The following RRP15 variants were observed in gnomAD, a reference collection of about 807,000 sequenced individuals.
RRP15 encodes RRP15-like protein.
Under a neutral mutation model 27.1 loss-of-function variants are expected in RRP15, and 18 were observed. That is an observed-to-expected ratio of 0.66 (90% CI 0.46 to 0.98). RRP15 has a LOEUF of 0.98. Among genes scored for constraint, RRP15 ranks in the 50% least tolerant of loss-of-function variants. The probability of loss-of-function intolerance (pLI) is 0.00; values close to 1 mark genes in which losing one functional copy is unlikely to be tolerated. For missense variants in RRP15, 359 were observed against 337.8 expected, an observed-to-expected ratio of 1.06 and a Z score of -0.49; for synonymous variants, 107 against 109.4, an observed-to-expected ratio of 0.98 and a Z score of 0.14.
chr1:218,285,400 T>C lies in RRP15; in HGVS notation c.84T>C (p.Thr28=), dbSNP rs1346856960. The part of the protein sequence containing the change: ...KTPKKKMKMV[T]GAVASVLEDE... Reference sequence around the variant, plus strand: ...CAAAGAAGAAGATGAAAATGGTAACTGGAGCCGTAGCGTCGGTGCTGGAAG... The same window carrying C: ...CAAAGAAGAAGATGAAAATGGTAACCGGAGCCGTAGCGTCGGTGCTGGAAG... The change falls in exon 1 of 5, where the codon ACT becomes ACC. Residue 28 remains threonine (T), a synonymous_variant. Coordinates refer to ENST00000366932, the MANE Select transcript of RRP15 (RefSeq NM_016052.4). 20 of 1,614,002 alleles carry C rather than the reference T, an allele frequency of 1.2e-5. No homozygotes were observed. Among genetic ancestry groups the C allele is most frequent in the Non-Finnish European group, 1.4e-5 (16 of 1,180,014 alleles).
At chr1:218,307,280 G>A (rs886110554) in intron 3 of RRP15, 151 bp from the exon 4 acceptor site, 1 of 585,956 alleles carries the variant, frequency 1.7e-6, no homozygotes, top group Non-Finnish European at 2.9e-6. Flanking sequence ...TTTATCAAAT[G>A]TATTTAACCA....
intron 4 of RRP15, among the ~76,000 whole-genome samples, chr1:218,312,112 G>A (rs1465501470): frequency 6.6e-6 from 1 of 152,172 alleles, no homozygotes; most frequent in East Asian, 1.9e-4. Context: ...GCCAGATATG[G>A]GCATCGGGCC....
chr1:218,316,740 A>T (rs1037118422), intron 4 of RRP15, among the ~76,000 whole-genome samples: 4 of 152,256 alleles, frequency 2.6e-5, no homozygotes, highest in African/African-American at 9.6e-5. Flanking sequence ...TTTCCATTGC[A>T]TGCCATCAAA....
chr1:218,289,373 T>C (rs1031776369), intron 1 of RRP15, among the ~76,000 whole-genome samples: 2 of 152,212 alleles, frequency 1.3e-5, no homozygotes, highest in African/African-American at 2.4e-5. Flanking sequence ...GTTACCTCCA[T>C]AGGTGCAAGA....
intron 4 of RRP15, among the ~76,000 whole-genome samples, chr1:218,324,154 G>A (rs1656233795): frequency 6.6e-6 from 1 of 152,146 alleles, no homozygotes; most frequent in African/African-American, 2.4e-5. Flanking sequence ...GCTGGCGGGT[G>A]ACTTAGTCTG....
chr1:218,327,513 A>G (rs1656292664), intron 4 of RRP15, among the ~76,000 whole-genome samples: 1 of 152,066 alleles, frequency 6.6e-6, no homozygotes, highest in South Asian at 2.1e-4. Context: ...CATGTTGGCC[A>G]GGCTGGTCTG....
intron 1 of RRP15, among the ~76,000 whole-genome samples, chr1:218,293,565 A>C (rs1366385016): frequency 6.6e-6 from 1 of 152,222 alleles, no homozygotes; most frequent in East Asian, 1.9e-4. Flanking sequence ...GATTATAAAA[A>C]TTGATAGGGA....
At chr1:218,321,537 A>G (rs1656187656) in intron 4 of RRP15, among the ~76,000 whole-genome samples, 1 of 152,224 alleles carries the variant, frequency 6.6e-6, no homozygotes, top group African/African-American at 2.4e-5. Flanking sequence ...ACTTTATCTT[A>G]TAGCTATAAC....
chr1:218,300,418 T>C (rs1348308226), intron 1 of RRP15, among the ~76,000 whole-genome samples: 1 of 152,198 alleles, frequency 6.6e-6, no homozygotes, highest in Non-Finnish European at 1.5e-5. Flanking sequence ...CGTATTAATG[T>C]TTTACATCAT....
Position 218,326,743 on chromosome 1 carries a change from A to G in RRP15, c.706-4205A>G, listed in dbSNP as rs115932582. 5.5e-3 allele frequency among the ~76,000 whole-genome samples: 839 copies of G among 152,262 alleles called. 7 individuals are homozygous for G. Among genetic ancestry groups the G allele is most frequent in the African/African-American group, 0.018 (765 of 41,540 alleles). ...ATATCTGGTTGCTGTGTGTGTGTGTAACTTAATCCCATTTTTGGTTCTATA... is the reference window on the plus strand; with the variant it reads ...ATATCTGGTTGCTGTGTGTGTGTGTGACTTAATCCCATTTTTGGTTCTATA... On this transcript the variant is annotated intron_variant, in intron 4 of 4. Transcript: ENST00000366932.
In RRP15 at chr1:218,336,991, A is replaced by C. The variant is rs2102521871; in HGVS notation, c.*5900A>C. On this transcript the variant is annotated 3_prime_UTR_variant, in exon 5 of 5. Coordinates refer to ENST00000366932, the MANE Select transcript of RRP15 (RefSeq NM_016052.4). ...AGAGACAGCATAATTTTGGAATCAC[A>C]ACTGAGTTCAGAGTTCAGTTTTGAG... 6.6e-6 allele frequency: 1 copy of C among 152,338 alleles called. No individual in the cohort carries two copies. Among genetic ancestry groups the C allele is most frequent in the South Asian group, 2.1e-4 (1 of 4,826 alleles). 9.4% of individuals were successfully genotyped at this position (152,338 alleles called of 1,614,324 possible). A position where few individuals can be genotyped will look rare whatever the true frequency, so the allele number is the denominator to read the frequency against.
chr1:218,312,901 T>C (rs1223799395), intron 4 of RRP15, among the ~76,000 whole-genome samples: 1 of 152,212 alleles, frequency 6.6e-6, no homozygotes, highest in Non-Finnish European at 1.5e-5. Context: ...GTAGGATGTT[T>C]GCTAATGAGT....
In RRP15 at chr1:218,285,463, G is replaced by A; in HGVS notation, c.139+8G>A. The A allele has an allele frequency of 6.2e-7, 1 of 1,614,028 alleles. No individual in the cohort carries two copies. ...ACACTTCTGATAGTGAAGGTAATGT[G>A]GTAGGGCTGAGCTTTGGTGTCTGGG... On this transcript the variant is annotated splice_region_variant and intron_variant, in intron 1 of 4. Coordinates refer to ENST00000366932, the MANE Select transcript of RRP15 (RefSeq NM_016052.4).
intron 4 of RRP15, among the ~76,000 whole-genome samples, chr1:218,327,096 T>C (rs377101467): frequency 6.6e-6 from 1 of 152,218 alleles, no homozygotes; most frequent in Non-Finnish European, 1.5e-5. Context: ...TGTGTTGATA[T>C]TGTCTTTTCT....
At chr1:218,330,828 C>T in intron 4 of RRP15, 120 bp from the exon 5 acceptor site, 2 of 697,792 alleles carry the variant, frequency 2.9e-6, no homozygotes, top group South Asian at 2.1e-5. Flanking sequence ...TATAATTTCT[C>T]TTGGTTTTAC....
chr1:218,328,535 T>C (rs560568005), intron 4 of RRP15, among the ~76,000 whole-genome samples: 9 of 151,936 alleles, frequency 5.9e-5, no homozygotes, highest in African/African-American at 9.7e-5. Context: ...TGGTGGCAGG[T>C]GCCTATAGTC....
chr1:218,323,198 C>T (rs1656215861), intron 4 of RRP15, among the ~76,000 whole-genome samples: 1 of 152,210 alleles, frequency 6.6e-6, no homozygotes, highest in Non-Finnish European at 1.5e-5. Flanking sequence ...TCACCTGCAA[C>T]GTGGTGAGCA....
Position 218,336,489 on chromosome 1 carries a change from A to G in RRP15, c.*5398A>G, listed in dbSNP as rs569375175. On this transcript the variant is annotated 3_prime_UTR_variant, in exon 5 of 5. Coordinates refer to ENST00000366932, the MANE Select transcript of RRP15 (RefSeq NM_016052.4). ...AGAGACAGCTGAGAGCTGTGTCCCT[A>G]TGCGTGGGTGGCCTTGCAGCTGTTG... 2.6e-5 allele frequency: 4 copies of G among 152,724 alleles called. No individual in the cohort carries two copies. Among genetic ancestry groups the G allele is most frequent in the Admixed American group, 6.5e-5 (1 of 15,288 alleles). 9.5% of individuals were successfully genotyped at this position (152,724 alleles called of 1,614,324 possible).
chr1:218,293,850 C>G (rs1655680618), intron 1 of RRP15, among the ~76,000 whole-genome samples: 1 of 151,990 alleles, frequency 6.6e-6, no homozygotes, highest in Non-Finnish European at 1.5e-5. Flanking sequence ...TGACATAGAG[C>G]CTGATTCATG....
Sources: allele counts gnomAD v4.1 joint callset (sites outside exome capture counted in the v4.1 genomes callset), GRCh38; gene constraint gnomAD v4.1.1; transcripts MANE v1.5; gene names NCBI Gene and HGNC (gene_info 2026-07-23, HGNC 2026-07-21).